GUF1: variants seen among roughly 807,000 people sequenced by gnomAD.
GUF1 encodes the protein translation factor GUF1, mitochondrial.
A neutral mutation model predicts 82.4 loss-of-function variants in GUF1; 78 were observed. The ratio of observed to expected loss-of-function variants is 0.95; its 90% CI spans 0.79 to 1.14. GUF1 has a LOEUF of 1.14. GUF1 is among the 50% of genes most tolerant of loss of function. The probability of loss-of-function intolerance (pLI) is 0.00; values close to 1 mark genes in which losing one functional copy is unlikely to be tolerated. For synonymous variants in GUF1, 279 were observed against 282.3 expected (o/e 0.99, Z 0.12); for missense variants, 814 against 798.2 (o/e 1.02, Z -0.24).
chr4:44,685,348 C>T (rs1467776389), intron 6 of GUF1, among the ~76,000 whole-genome samples: 1 of 152,026 alleles, frequency 6.6e-6, no homozygotes, highest in Non-Finnish European at 1.5e-5. Context: ...AATTATCTGG[C>T]CCAAAATGTC....
At chr4:44,693,241 C>CA (rs1212520645) in intron 13 of GUF1, among the ~76,000 whole-genome samples, 16 of 152,002 alleles carry the variant, frequency 1.1e-4, no homozygotes, top group Non-Finnish European at 1.9e-4. Flanking sequence ...TCTAAGGAAA[C>CA]ACTAGAATAC....
At chr4:44,690,203 G>A (rs1216472080) in intron 11 of GUF1, among the ~76,000 whole-genome samples, 1 of 151,782 alleles carries the variant, frequency 6.6e-6, no homozygotes, top group African/African-American at 2.4e-5. Flanking sequence ...TTAACCTGAT[G>A]TAATCTCCAG....
intron 14 of GUF1, 54 bp from the exon 15 acceptor site, chr4:44,695,561 T>C: frequency 4.6e-6 from 7 of 1,512,924 alleles, no homozygotes; most frequent in Non-Finnish European, 6.3e-6. Context: ...CCTAGAAAAA[T>C]ACTTGAAATA....
At chr4:44,690,048 T>C (rs2109653209) in intron 11 of GUF1, 73 bp downstream of exon 11, 3 of 1,162,098 alleles carry the variant, frequency 2.6e-6, no homozygotes, top group Admixed American at 2.6e-5. Flanking sequence ...TGTGTGTATA[T>C]ACAATGCAGG....
At position 44,680,455 on chromosome 4, in the gene GUF1, G is replaced by A. The variant is rs1157011333; in HGVS notation, c.180G>A (p.Met60Ile). Residue 60 changes from methionine (M) to isoleucine (I), a missense_variant, in exon 2 of 17, where the codon ATG becomes ATA. By Grantham distance (10) the Met-to-Ile change is conservative. Transcript: ENST00000281543. The part of the protein sequence containing the change: ...SSAEFKEKLD[M>I]SRFPVENIRN... ...CCCCTTTCTAGGAAAAACTTGACAT[G>A]TCTAGGTTTCCTGTTGAAAATATTA... 4 of 1,593,476 alleles carry A rather than the reference G, an allele frequency of 2.5e-6. No homozygotes were observed. The highest frequency in any genetic ancestry group is 1.1e-5 in the South Asian group (1 of 88,704).
chr4:44,698,451 A>G (rs1369769935), intron 16 of GUF1, 93 bp from the exon 17 acceptor site: 6 of 898,366 alleles, frequency 6.7e-6, no homozygotes, highest in Non-Finnish European at 1.0e-5. Flanking sequence ...ATAATTTGGT[A>G]TGGTTGTTAA....
chr4:44,686,636 A>G lies in GUF1; in HGVS notation c.861A>G (p.Val287=), dbSNP rs1715074192. 6 of 1,611,906 alleles carry G rather than the reference A, an allele frequency of 3.7e-6. No homozygotes were observed. The highest frequency in any genetic ancestry group is 2.2e-5 in the East Asian group (1 of 44,782). The part of the protein sequence containing the change: ...DGVVSKGDKI[V]SAHTQKTYEV... ...TGGTTTCCAAAGGAGATAAAATTGTATCTGCACATACTCAAAAGACATACG... is the reference window on the plus strand; with the variant it reads ...TGGTTTCCAAAGGAGATAAAATTGTGTCTGCACATACTCAAAAGACATACG... The change falls in exon 8 of 17, where the codon GTA becomes GTG. Residue 287 remains valine, a synonymous_variant. Coordinates refer to ENST00000281543, the MANE Select transcript of GUF1 (RefSeq NM_021927.3).
chr4:44,680,242 G>T (rs150371961), intron 1 of GUF1, among the ~76,000 whole-genome samples, 199 bp from the exon 2 acceptor site: 1 of 152,210 alleles, frequency 6.6e-6, no homozygotes, highest in African/African-American at 2.4e-5. Context: ...TAGCTGTATA[G>T]TTACCTTTGG....
chr4:44,678,512 A>T lies in GUF1; in HGVS notation c.-111A>T. ...GGGTTCATTGTCTTCGCTTCACAGG[A>T]TCTGTTTGAGTCCTGTCCACCGGAT... On this transcript the variant is annotated 5_prime_UTR_variant, in exon 1 of 17. Coordinates refer to ENST00000281543, the MANE Select transcript of GUF1 (RefSeq NM_021927.3). 1.2e-6 allele frequency: 1 copy of T among 840,932 alleles called. No homozygotes were observed. The highest frequency in any genetic ancestry group is 1.8e-5 in the African/African-American group (1 of 54,872). 52.1% of individuals were successfully genotyped at this position (840,932 alleles called of 1,614,324 possible).
At chr4:44,690,673 AT>A in intron 11 of GUF1, 43 bp from the exon 12 acceptor site, 1 of 1,150,860 alleles carries the variant, frequency 8.7e-7, no homozygotes, top group Non-Finnish European at 1.2e-6. Context: ...AATGATAATC[AT>A]TATATTAAGA....
In GUF1 at chr4:44,680,539, C is replaced by A. The variant is rs750917071; in HGVS notation, c.264C>A (p.Leu88=). Residue 88 remains leucine (L), a synonymous_variant, in exon 2 of 17, where the codon CTC becomes CTA. Coordinates refer to ENST00000281543, the MANE Select transcript of GUF1 (RefSeq NM_021927.3). ...DHGKSTLADR[L]LELTGTIDKT... ...GCAAAAGTACTTTAGCTGACAGGCT[C>A]CTAGAACTTACAGGTATTTCATTTA... 1.3e-5 allele frequency: 21 copies of A among 1,600,854 alleles called. No individual in the cohort carries two copies. The East Asian group carries it at 4.5e-4, about 34-fold the overall frequency.
intron 12 of GUF1, among the ~76,000 whole-genome samples, chr4:44,691,432 A>G (rs1369960668): frequency 6.6e-6 from 1 of 151,722 alleles, no homozygotes; most frequent in Non-Finnish European, 1.5e-5. Flanking sequence ...TTGACTTTAT[A>G]TGTAGTTACA....
intron 12 of GUF1, 99 bp downstream of exon 12, chr4:44,690,959 C>T: frequency 1.3e-6 from 1 of 786,006 alleles, no homozygotes; most frequent in Non-Finnish European, 2.0e-6. Context: ...GCTGAGCATA[C>T]TGAATTTAAT....
rs1188263409 is a variant in GUF1, at chr4:44,699,794, AAATT to A, written c.*1116_*1119del. On this transcript the variant is annotated 3_prime_UTR_variant, in exon 17 of 17. Coordinates refer to ENST00000281543, the MANE Select transcript of GUF1 (RefSeq NM_021927.3). Reference sequence around the variant, plus strand: ...GTTTGAAACTAAATGGTTTACATCTAAATTAAGGGCAGGAGCTGTCTTTCAGACA... The same window carrying A: ...GTTTGAAACTAAATGGTTTACATCTAAAGGGCAGGAGCTGTCTTTCAGACA... The A allele has an allele frequency of 6.6e-6, 1 of 152,250 alleles. No individual in the cohort carries two copies. Among genetic ancestry groups the A allele is most frequent in the Non-Finnish European group, 1.5e-5 (1 of 68,046 alleles). 9.4% of individuals were successfully genotyped at this position (152,250 alleles called of 1,614,324 possible).
intron 8 of GUF1, among the ~76,000 whole-genome samples, chr4:44,687,722 G>T (rs1419154083): frequency 1.3e-5 from 2 of 151,880 alleles, no homozygotes; most frequent in Non-Finnish European, 2.9e-5. Flanking sequence ...TAGTTTCACT[G>T]TATTTACATA....
chr4:44,685,862 A>ATTTTTTTTT, intron 6 of GUF1, 97 bp from the exon 7 acceptor site: 2 of 735,860 alleles, frequency 2.7e-6, no homozygotes, highest in African/African-American at 1.8e-5. Flanking sequence ...AACTATTGGA[A>ATTTTTTTTT]TTTTTTTTTC....
chr4:44,683,362 A>C (rs182955201), intron 6 of GUF1, 44 bp downstream of exon 6: 1 of 1,138,984 alleles, frequency 8.8e-7, no homozygotes, highest in East Asian at 2.6e-5. Flanking sequence ...AAAAAGTCTC[A>C]AGTAATTGGG....
At chr4:44,685,159 T>G (rs1345297616) in intron 6 of GUF1, among the ~76,000 whole-genome samples, 1 of 152,164 alleles carries the variant, frequency 6.6e-6, no homozygotes, top group Non-Finnish European at 1.5e-5. Flanking sequence ...GTAAAGAAAG[T>G]ACTACAGTCT....
In GUF1 at chr4:44,687,529, A is replaced by G. The variant is rs140420311; in HGVS notation, c.939-478A>G. On this transcript the variant is annotated intron_variant, in intron 8 of 16. Coordinates refer to ENST00000281543, the MANE Select transcript of GUF1 (RefSeq NM_021927.3). Reference sequence around the variant, plus strand: ...GGGATTTTTTTTTTTAACTAAGCTTAAACTGAACTCATAGGATTTGCTCTT... The same window carrying G: ...GGGATTTTTTTTTTTAACTAAGCTTGAACTGAACTCATAGGATTTGCTCTT... Among the ~76,000 whole-genome samples, 128 of 151,934 alleles carry G rather than the reference A, an allele frequency of 8.4e-4. 1 individual carries two copies. In the Middle Eastern group the frequency reaches 0.014, roughly 16 times the overall value.
Sources: allele counts gnomAD v4.1 joint callset (sites outside exome capture counted in the v4.1 genomes callset), GRCh38; gene constraint gnomAD v4.1.1; transcripts MANE v1.5; gene names NCBI Gene and HGNC (gene_info 2026-07-23, HGNC 2026-07-21).